NEK10: variants seen among roughly 807,000 people sequenced by gnomAD.
NEK10 encodes serine/threonine-protein kinase Nek10.
NEK10 carries 122 observed loss-of-function variants against 159.8 expected under a neutral mutation model. That is an observed-to-expected ratio of 0.76 (90% CI 0.66 to 0.89). The LOEUF (loss-of-function observed/expected upper bound fraction) is 0.89, where lower values mean the gene tolerates loss of function less well. NEK10 is among the 40% of genes least tolerant of loss of function. The pLI, the probability that NEK10 is intolerant of heterozygous loss-of-function variation, is 0.00. For synonymous variants in NEK10, 466 were observed against 457.1 expected, an observed-to-expected ratio of 1.02 and a Z score of -0.25; for missense variants, 1,342 against 1,323.1, an observed-to-expected ratio of 1.01 and a Z score of -0.22.
chr3:27,273,940 T>A lies in NEK10; in HGVS notation c.2014+10662A>T, dbSNP rs561625706. ...AACGAACCCCTGTCTCACTGACACT[T>A]CCTCCTCTGAAGGTCATTCAGATTC... On this transcript the variant is annotated intron_variant, in intron 22 of 35. Transcript: ENST00000691995. Among the ~76,000 whole-genome samples the A allele has an allele frequency of 3.3e-4, 48 of 145,916 alleles. 1 individual carries two copies. In the South Asian group the frequency reaches 5.2e-3, roughly 16 times the overall value.
At chr3:27,259,531 A>G (rs112720383) in intron 22 of NEK10, among the ~76,000 whole-genome samples, 1 of 152,038 alleles carries the variant, frequency 6.6e-6, no homozygotes, top group African/African-American at 2.4e-5. Context: ...ATGGTTGTAG[A>G]TATGCGGCAT....
At chr3:27,239,595 T>C (rs1335014682) in intron 23 of NEK10, among the ~76,000 whole-genome samples, 19 of 152,230 alleles carry the variant, frequency 1.2e-4, no homozygotes, top group Non-Finnish European at 2.8e-4. Flanking sequence ...AAGAGACTTG[T>C]ATCCCTCCTC....
intron 22 of NEK10, among the ~76,000 whole-genome samples, chr3:27,281,532 A>T (rs2042161116): frequency 1.3e-5 from 2 of 152,250 alleles, no homozygotes; most frequent in Middle Eastern, 3.4e-3. Flanking sequence ...TTGAGAGAAT[A>T]AGAACTTTCA....
chr3:27,252,744 G>T, intron 23 of NEK10: 1 of 359,596 alleles, frequency 2.8e-6, no homozygotes, highest in South Asian at 2.2e-5. Context: ...AGTATTCCAG[G>T]CAAAGGGAGC....
intron 26 of NEK10, among the ~76,000 whole-genome samples, chr3:27,178,093 AT>A (rs1328324944): frequency 6.6e-6 from 1 of 152,210 alleles, no homozygotes; most frequent in Non-Finnish European, 1.5e-5. Flanking sequence ...TATCACTGAT[AT>A]GGAAATCAGC....
intron 6 of NEK10, among the ~76,000 whole-genome samples, chr3:27,318,658 T>A (rs1559493482): frequency 6.6e-6 from 1 of 152,174 alleles, no homozygotes; most frequent in South Asian, 2.1e-4. Context: ...TCACTGAGAA[T>A]AATTTAGCAT....
chr3:27,200,046 A>G (rs1949915788), intron 25 of NEK10, among the ~76,000 whole-genome samples: 1 of 152,176 alleles, frequency 6.6e-6, no homozygotes, highest in African/African-American at 2.4e-5. Context: ...CAATCTATAC[A>G]ACAAACCCCC....
In NEK10 at chr3:27,346,210, C is replaced by T. The variant is rs2047542335; in HGVS notation, c.139G>A (p.Ala47Thr). 6.2e-7 allele frequency: 1 copy of T among 1,613,662 alleles called. No individual in the cohort carries two copies. Among genetic ancestry groups the T allele is most frequent in the South Asian group, 1.1e-5 (1 of 91,082 alleles). The change falls in exon 4 of 36, where the codon GCC (alanine) becomes ACC (threonine). Residue 47 changes from alanine to threonine, a missense_variant. Coordinates refer to ENST00000691995, the MANE Select transcript of NEK10 (RefSeq NM_001394966.1). The part of the protein sequence containing the change: ...NVQSSKQQLP[A>T]INFDSAQNSM... ...TTTTGGGCACTATCGAAGTTAATGG[C>T]TGGAAGCTACAGAAATAGAAGCATA... is the stretch of plus-strand genomic sequence containing the variant.
intron 32 of NEK10, among the ~76,000 whole-genome samples, chr3:27,124,385 C>T (rs1339501189): frequency 6.6e-6 from 1 of 152,138 alleles, no homozygotes; most frequent in African/African-American, 2.4e-5. Context: ...ACTGAATATT[C>T]TTATTTAACA....
Position 27,290,841 on chromosome 3 carries a change from A to T in NEK10, c.1606-87T>A, listed in dbSNP as rs1260913780. 36 of 985,954 alleles carry T rather than the reference A, an allele frequency of 3.7e-5. No homozygotes were observed. The East Asian group carries it at 8.7e-4, about 24-fold the overall frequency. The allele number at this position is 985,954 out of a possible 1,614,324, so 61.1% of individuals were successfully genotyped here. ...AGAGGAAGAAAGAGATAGACTAACA[A>T]AGTCACATGAGTAACTAAGTCATAT... On this transcript the variant is annotated intron_variant, in intron 18 of 35. Transcript: ENST00000691995.
intron 13 of NEK10, among the ~76,000 whole-genome samples, chr3:27,299,829 C>T (rs1324652032): frequency 6.6e-6 from 1 of 152,132 alleles, no homozygotes; most frequent in Non-Finnish European, 1.5e-5. Flanking sequence ...GCCTGTAGCC[C>T]CCCTTTGTTT....
chr3:27,230,665 G>T (rs1953142027), intron 23 of NEK10, among the ~76,000 whole-genome samples: 1 of 151,838 alleles, frequency 6.6e-6, no homozygotes, highest in African/African-American at 2.4e-5. Context: ...TAAAGGACAG[G>T]GGTGAAAAAA....
At chr3:27,112,218 G>A (rs922006850) in intron 35 of NEK10, among the ~76,000 whole-genome samples, 1 of 152,184 alleles carries the variant, frequency 6.6e-6, no homozygotes, top group South Asian at 2.1e-4. Flanking sequence ...ATAGCTAACA[G>A]ATAGATAATG....
chr3:27,311,022 A>T lies in NEK10; in HGVS notation c.569-6T>A. On this transcript the variant is annotated splice_polypyrimidine_tract_variant and splice_region_variant and intron_variant, in intron 8 of 35. Transcript: ENST00000691995. ...AGCAAGTTTTTGAAAAATATCTATAAAGGAAAGAAAGAGCGCAAAGAGGCA... is the reference window on the plus strand; with the variant it reads ...AGCAAGTTTTTGAAAAATATCTATATAGGAAAGAAAGAGCGCAAAGAGGCA... The T allele has an allele frequency of 6.3e-7, 1 of 1,595,176 alleles. No homozygotes were observed. Among genetic ancestry groups the T allele is most frequent in the South Asian group, 1.1e-5 (1 of 90,660 alleles).
Position 27,333,907 on chromosome 3 carries a change from G to A in NEK10, c.362+10365C>T, listed in dbSNP as rs529831903. 1.1e-3 allele frequency among the ~76,000 whole-genome samples: 165 copies of A among 152,304 alleles called. 2 individuals are homozygous for A. Among genetic ancestry groups the A allele is most frequent in the Admixed American group, 4.8e-3 (73 of 15,302 alleles). ...CAAGTGGCACACATGCTTAACATCT[G>A]CTGGCCTAGGCTGCCATCACTAAAA... On this transcript the variant is annotated intron_variant, in intron 5 of 35. Coordinates refer to ENST00000691995, the MANE Select transcript of NEK10 (RefSeq NM_001394966.1).
At chr3:27,312,461 G>A (rs946397591) in intron 7 of NEK10, among the ~76,000 whole-genome samples, 1 of 152,122 alleles carries the variant, frequency 6.6e-6, no homozygotes, top group Non-Finnish European at 1.5e-5. Context: ...TAAGTTTGTT[G>A]TGTAATTTAG....
chr3:27,280,964 C>A (rs965671034), intron 22 of NEK10, among the ~76,000 whole-genome samples: 6 of 144,556 alleles, frequency 4.2e-5, no homozygotes, highest in African/African-American at 1.6e-4. Flanking sequence ...TATATATATA[C>A]CTTCAGAAGA....
chr3:27,234,952 A>G (rs113635576), intron 23 of NEK10, among the ~76,000 whole-genome samples: 1,755 of 152,238 alleles, frequency 0.012, 9 homozygotes, highest in South Asian at 0.021. Flanking sequence ...TAATTCAGAA[A>G]TAAGATTGCA....
At chr3:27,361,172 A>T (rs1043140392) in intron 1 of NEK10, among the ~76,000 whole-genome samples, 3 of 152,190 alleles carry the variant, frequency 2.0e-5, no homozygotes, top group African/African-American at 7.2e-5. Flanking sequence ...TTCTCATTCC[A>T]ACTTATATCT....
Sources: allele counts gnomAD v4.1 joint callset (sites outside exome capture counted in the v4.1 genomes callset), GRCh38; gene constraint gnomAD v4.1.1; transcripts MANE v1.5; gene names NCBI Gene and HGNC (gene_info 2026-07-23, HGNC 2026-07-21).